The following SLIT3 variants were observed in gnomAD, a reference collection of about 807,000 sequenced individuals.
The protein encoded by SLIT3 is slit homolog 3 protein.
In SLIT3, 68 loss-of-function variants were observed where a neutral mutation model predicts 184.0. That is an observed-to-expected ratio of 0.37 (90% CI 0.30 to 0.45). The LOEUF (loss-of-function observed/expected upper bound fraction) is 0.45, where lower values mean the gene tolerates loss of function less well. Among genes scored for constraint, SLIT3 ranks in the 20% least tolerant of loss-of-function variants. SLIT3 has a pLI of 1.00. For synonymous variants in SLIT3, 831 were observed against 828.6 expected, an observed-to-expected ratio of 1.00 and a Z score of -0.05; for missense variants, 1,707 against 2,026.0, an observed-to-expected ratio of 0.84 and a Z score of 3.02.
At position 168,697,246 on chromosome 5, in the gene SLIT3, G is replaced by C. The variant is rs1283718991; in HGVS notation, c.2943-815C>G. Among the ~76,000 whole-genome samples the C allele has an allele frequency of 2.0e-5, 3 of 152,162 alleles. No individual in the cohort carries two copies. The South Asian group carries it at 6.2e-4, about 32-fold the overall frequency. On this transcript the variant is annotated intron_variant, in intron 27 of 35. Coordinates refer to ENST00000519560, the MANE Select transcript of SLIT3 (RefSeq NM_003062.4). ...CTCGCCTGCCAAGAGTGAGGCCTTC[G>C]GGTCAACTTGGCTTCAAACGCTGTG...
chr5:169,030,312 C>T (rs1210217669), intron 4 of SLIT3: 1 of 152,196 alleles, frequency 6.6e-6, no homozygotes, highest in African/African-American at 2.4e-5. Context: ...TTCATTTGAT[C>T]CTCCAAACTA....
At chr5:169,221,288 T>C (rs1174041763) in intron 3 of SLIT3, among the ~76,000 whole-genome samples, 1 of 152,240 alleles carries the variant, frequency 6.6e-6, no homozygotes, top group Non-Finnish European at 1.5e-5. Context: ...AGAGCAAATA[T>C]GGCTCAGAAA....
chr5:169,046,315 G>A (rs1757621896), intron 4 of SLIT3, among the ~76,000 whole-genome samples: 1 of 152,176 alleles, frequency 6.6e-6, no homozygotes. Flanking sequence ...AAAGATCGCA[G>A]CACTAGTTTT....
intron 3 of SLIT3, among the ~76,000 whole-genome samples, chr5:169,204,876 T>G (rs920549984): frequency 1.3e-5 from 2 of 152,168 alleles, no homozygotes; most frequent in Admixed American, 6.5e-5. Context: ...AATGCCCATT[T>G]GAGGTTAGTG....
intron 12 of SLIT3, 41 bp from the exon 13 acceptor site, chr5:168,774,419 T>A (rs757932675): frequency 1.3e-6 from 2 of 1,574,582 alleles, no homozygotes; most frequent in African/African-American, 1.4e-5. Context: ...CTAATCCTGG[T>A]AATTACCTGC....
chr5:169,236,444 T>C (rs2113562827), intron 3 of SLIT3, among the ~76,000 whole-genome samples: 1 of 152,024 alleles, frequency 6.6e-6, no homozygotes, highest in Non-Finnish European at 1.5e-5. Flanking sequence ...TTCCAGGCCC[T>C]CTTGCTGACA....
At chr5:168,786,911 T>C (rs530498312) in intron 11 of SLIT3, among the ~76,000 whole-genome samples, 1 of 152,206 alleles carries the variant, frequency 6.6e-6, no homozygotes, top group Non-Finnish European at 1.5e-5. Context: ...TGGTTGTTTT[T>C]CTTAAGTCCT....
intron 4 of SLIT3, among the ~76,000 whole-genome samples, chr5:169,188,695 G>A (rs1763441707): frequency 6.6e-6 from 1 of 152,156 alleles, no homozygotes; most frequent in African/African-American, 2.4e-5. Flanking sequence ...GGTCAGCCGT[G>A]GCCATCTTCC....
At position 168,700,588 on chromosome 5, in the gene SLIT3, C is replaced by G. The variant is rs1393481030; in HGVS notation, c.2936G>C (p.Gly979Ala). 3 of 1,613,166 alleles carry G rather than the reference C, an allele frequency of 1.9e-6. No homozygotes were observed. The highest frequency in any genetic ancestry group is 1.1e-5 in the South Asian group (1 of 91,034). ...TCHLSDSHKD[G>A]FSCSCPLGFE... is the part of the protein sequence containing the mutation. ...GCCAGGGGTGAACTGTTACCTGAAC[C>G]CATCCTTGTGGCTGTCACTCAGGTG... The change falls in exon 27 of 36, where the codon GGG (glycine) becomes GCG (alanine). Residue 979 changes from glycine (G) to alanine (A), a missense_variant. Transcript: ENST00000519560.
chr5:169,053,487 C>T (rs908925438), intron 4 of SLIT3, among the ~76,000 whole-genome samples: 5 of 152,064 alleles, frequency 3.3e-5, no homozygotes. Flanking sequence ...GAATAATGTG[C>T]TAAGTATTTG....
Position 169,127,999 on chromosome 5 carries a change from G to A in SLIT3, c.413+65480C>T, listed in dbSNP as rs896335448. Among the ~76,000 whole-genome samples the A allele has an allele frequency of 3.3e-5, 5 of 151,656 alleles. 1 individual carries two copies. Among genetic ancestry groups the A allele is most frequent in the Admixed American group, 2.0e-4 (3 of 15,236 alleles). On this transcript the variant is annotated intron_variant, in intron 4 of 35. Coordinates refer to ENST00000519560, the MANE Select transcript of SLIT3 (RefSeq NM_003062.4). ...TCCTATTTTAAAAATTATTTCTCAA[G>A]GCATTAAAAACTTACCAAATGTACC...
chr5:169,075,206 G>A (rs181133566), intron 4 of SLIT3, among the ~76,000 whole-genome samples: 1 of 152,120 alleles, frequency 6.6e-6, no homozygotes, highest in Admixed American at 6.6e-5. Context: ...TGATGGTGGG[G>A]TTTGACATTT....
At chr5:168,767,476 A>G (rs1044122224) in intron 14 of SLIT3, among the ~76,000 whole-genome samples, 2 of 152,218 alleles carry the variant, frequency 1.3e-5, no homozygotes, top group African/African-American at 4.8e-5. Flanking sequence ...CCCTCCCCTG[A>G]AACAGAATTA....
At chr5:169,004,327 G>GAC (rs985666663) in intron 4 of SLIT3, among the ~76,000 whole-genome samples, 8 of 152,206 alleles carry the variant, frequency 5.3e-5, no homozygotes, top group African/African-American at 1.9e-4. Flanking sequence ...TGGCTGCCTG[G>GAC]ACATCTTCCC....
At chr5:169,021,433 C>T (rs1443813165) in intron 4 of SLIT3, among the ~76,000 whole-genome samples, 1 of 152,174 alleles carries the variant, frequency 6.6e-6, no homozygotes, top group East Asian at 1.9e-4. Flanking sequence ...TCACTGCAAC[C>T]TCCTCCTCCC....
At position 168,885,856 on chromosome 5, in the gene SLIT3, G is replaced by A. The variant is rs913935453; in HGVS notation, c.414-2520C>T. ...CTGGGAGGAGTAGCAGTCGTACAAAGGTTCTGATTTGCAATACGGTGGGAT... is the reference window on the plus strand; with the variant it reads ...CTGGGAGGAGTAGCAGTCGTACAAAAGTTCTGATTTGCAATACGGTGGGAT... On this transcript the variant is annotated intron_variant, in intron 4 of 35. Coordinates refer to ENST00000519560, the MANE Select transcript of SLIT3 (RefSeq NM_003062.4). 3.3e-5 allele frequency among the ~76,000 whole-genome samples: 5 copies of A among 152,194 alleles called. No homozygotes were observed. The East Asian group carries it at 9.6e-4, about 29-fold the overall frequency.
intron 4 of SLIT3, among the ~76,000 whole-genome samples, chr5:168,918,161 A>G (rs1169185698): frequency 6.6e-6 from 1 of 152,158 alleles, no homozygotes; most frequent in African/African-American, 2.4e-5. Context: ...AATAAACAGC[A>G]ATGCCAAATC....
At chr5:169,203,115 C>T (rs1171426616) in intron 3 of SLIT3, among the ~76,000 whole-genome samples, 2 of 152,138 alleles carry the variant, frequency 1.3e-5, no homozygotes, top group Non-Finnish European at 2.9e-5. Context: ...TGTGAGTCCT[C>T]TAGTTCCAGG....
chr5:169,171,883 T>C (rs1337032901), intron 4 of SLIT3, among the ~76,000 whole-genome samples: 1 of 152,190 alleles, frequency 6.6e-6, no homozygotes, highest in African/African-American at 2.4e-5. Context: ...CTACGGCTAT[T>C]CTCTGCCCCC....
Sources: gnomAD v4.1 joint callset for allele counts (sites outside exome capture counted in the v4.1 genomes callset) on GRCh38, gnomAD v4.1.1 for gene constraint, MANE v1.5 for transcripts, NCBI Gene and HGNC (gene_info 2026-07-23, HGNC 2026-07-21) for gene names.